Variants in XRN2 observed in about 807,000 individuals in gnomAD.
XRN2 encodes 5'-3' exoribonuclease 2.
A neutral mutation model predicts 138.5 loss-of-function variants in XRN2; 44 were observed. That is an observed-to-expected ratio of 0.32 (90% CI 0.25 to 0.41). The LOEUF is 0.41. Ranked by LOEUF, XRN2 falls within the 10% of genes least tolerant of loss-of-function variation. The pLI, the probability that XRN2 is intolerant of heterozygous loss-of-function variation, is 1.00. For missense variants in XRN2, 937 were observed against 1,169.3 expected, an observed-to-expected ratio of 0.80 and a Z score of 2.90; for synonymous variants, 354 against 369.4, an observed-to-expected ratio of 0.96 and a Z score of 0.48.
intron 24 of XRN2, among the ~76,000 whole-genome samples, chr20:21,362,162 G>T (rs1013767636): frequency 2.0e-5 from 3 of 152,084 alleles, no homozygotes; most frequent in African/African-American, 7.2e-5. Flanking sequence ...TATTGACTTG[G>T]AAAGTTTTTC....
chr20:21,330,596 ATTTC>A lies in XRN2; in HGVS notation c.487-14_487-11del. The A allele has an allele frequency of 6.2e-7, 1 of 1,613,730 alleles. No homozygotes were observed. The highest frequency in any genetic ancestry group is 8.5e-7 in the Non-Finnish European group (1 of 1,179,862). On this transcript the variant is annotated splice_polypyrimidine_tract_variant and intron_variant, in intron 5 of 29. Coordinates refer to ENST00000377191, the MANE Select transcript of XRN2 (RefSeq NM_012255.5). ...TAACTCTTAAATGATAGGTTAATTTATTTCTTTCTATCATTTTAGGGAACTGAAT... is the reference window on the plus strand; with the variant it reads ...TAACTCTTAAATGATAGGTTAATTTATTTCTATCATTTTAGGGAACTGAAT...
rs1215271368 is a variant in XRN2 at position 21,305,645 on chromosome 20, C to T, written c.75+2172C>T. Among the ~76,000 whole-genome samples the T allele has an allele frequency of 3.1e-5, 2 of 65,352 alleles. 1 individual carries two copies. Among genetic ancestry groups the T allele is most frequent in the African/African-American group, 8.2e-5 (2 of 24,436 alleles). 42.9% of individuals were successfully genotyped at this position (65,352 alleles called of 152,430 possible). A position where few individuals can be genotyped will look rare whatever the true frequency, so the allele number is the denominator to read the frequency against. On this transcript the variant is annotated intron_variant, in intron 1 of 29. Coordinates refer to ENST00000377191, the MANE Select transcript of XRN2 (RefSeq NM_012255.5). Reference sequence around the variant, plus strand: ...GTCTCTGTCCTGACCACACGTGATCCGCCTCCCTGGGCCTCCCTTGTGCTA... The same window carrying T: ...GTCTCTGTCCTGACCACACGTGATCTGCCTCCCTGGGCCTCCCTTGTGCTA...
intron 24 of XRN2, 68 bp downstream of exon 24, chr20:21,357,860 GACCTTTGAT>G: frequency 7.4e-7 from 1 of 1,360,508 alleles, no homozygotes; most frequent in Non-Finnish European, 1.0e-6. Flanking sequence ...CATTTTAAAA[GACCTTTGAT>G]TCACAAGGAA....
chr20:21,324,934 G>GTA (rs1223626578), intron 1 of XRN2, among the ~76,000 whole-genome samples: 3 of 152,256 alleles, frequency 2.0e-5, no homozygotes, highest in Admixed American at 2.0e-4. Context: ...TGATTTTAGA[G>GTA]GGTCTTCATT....
intron 26 of XRN2, 21 bp downstream of exon 26, chr20:21,365,725 C>T (rs759872063): frequency 1.1e-5 from 17 of 1,575,282 alleles, no homozygotes; most frequent in Non-Finnish European, 1.5e-5. Flanking sequence ...AGTTTTTAGC[C>T]CTTGTATATT....
In XRN2 at chr20:21,356,070, T is replaced by G; in HGVS notation, c.2021-10T>G. ...TTATGTGTAGGTCTTATTCTTTTCT[T>G]TCTCCCTAGCCAGAAGAAACAGCCT... On this transcript the variant is annotated splice_polypyrimidine_tract_variant and intron_variant, in intron 21 of 29. Transcript: ENST00000377191. 6.2e-7 allele frequency: 1 copy of G among 1,600,468 alleles called. No individual in the cohort carries two copies. Among genetic ancestry groups the G allele is most frequent in the African/African-American group, 1.3e-5 (1 of 74,264 alleles).
At chr20:21,329,876 TG>T (rs2038180459) in intron 4 of XRN2, among the ~76,000 whole-genome samples, 2 of 151,668 alleles carry the variant, frequency 1.3e-5, no homozygotes, top group African/African-American at 4.8e-5. Flanking sequence ...TGTGTGTGTG[TG>T]TGTGTGTGTG....
intron 14 of XRN2, among the ~76,000 whole-genome samples, chr20:21,339,611 G>C (rs554999721): frequency 2.6e-5 from 4 of 152,218 alleles, no homozygotes; most frequent in Admixed American, 2.0e-4. Flanking sequence ...CCATATCCCT[G>C]CTGATTAAGA....
rs553440190 is a variant in XRN2, at chr20:21,303,925, G to C, written c.75+452G>C. 6 of 925,766 alleles carry C rather than the reference G, an allele frequency of 6.5e-6. No homozygotes were observed. In the South Asian group the frequency reaches 2.0e-4, roughly 31 times the overall value. The allele number at this position is 925,766 out of a possible 1,614,324, so 57.3% of individuals were successfully genotyped here. The stretch of plus-strand genomic sequence containing the variant: ...ACAACCTTGTAAAGGAATCCCTGGC[G>C]GCGACCTTTTCGTTGTTTACCAATT... On this transcript the variant is annotated intron_variant, in intron 1 of 29. Coordinates refer to ENST00000377191, the MANE Select transcript of XRN2 (RefSeq NM_012255.5).
chr20:21,379,288 C>T (rs983493565), intron 27 of XRN2, among the ~76,000 whole-genome samples: 3 of 152,092 alleles, frequency 2.0e-5, no homozygotes, highest in Admixed American at 2.0e-4. Flanking sequence ...TCTGTTAGAG[C>T]CATACAAATG....
chr20:21,318,896 A>G (rs147145987), intron 1 of XRN2, among the ~76,000 whole-genome samples: 2 of 152,170 alleles, frequency 1.3e-5, no homozygotes, highest in East Asian at 3.9e-4. Context: ...TGTTAAGTGT[A>G]ATGTGCTAGA....
chr20:21,332,516 T>G, intron 9 of XRN2, 76 bp downstream of exon 9: 1 of 1,385,230 alleles, frequency 7.2e-7, no homozygotes, highest in Non-Finnish European at 9.7e-7. Context: ...ACATAAAATA[T>G]CATTTCAACC....
intron 13 of XRN2, among the ~76,000 whole-genome samples, chr20:21,334,456 A>G (rs1219489487): frequency 3.3e-5 from 5 of 152,180 alleles, no homozygotes; most frequent in Non-Finnish European, 5.9e-5. Flanking sequence ...TTTCTAATCA[A>G]TAGGATTTGA....
chr20:21,332,752 A>G (rs993816832), intron 9 of XRN2, among the ~76,000 whole-genome samples: 2 of 151,948 alleles, frequency 1.3e-5, no homozygotes, highest in African/African-American at 4.8e-5. Flanking sequence ...ACATGCACAC[A>G]CTCATCCTTT....
At chr20:21,324,327 C>T (rs2038091528) in intron 1 of XRN2, among the ~76,000 whole-genome samples, 1 of 152,084 alleles carries the variant, frequency 6.6e-6, no homozygotes, top group South Asian at 2.1e-4. Flanking sequence ...ACTTGAAGCC[C>T]AGTTGCATTC....
chr20:21,350,360 A>G (rs1009040672), intron 20 of XRN2, among the ~76,000 whole-genome samples: 120 of 152,020 alleles, frequency 7.9e-4, no homozygotes, highest in African/African-American at 2.8e-3. Flanking sequence ...CACCGTCTCT[A>G]CTAGAAATAC....
At chr20:21,303,948 A>G (rs1488010872) in intron 1 of XRN2, 9 of 789,144 alleles carry the variant, frequency 1.1e-5, no homozygotes, top group East Asian at 1.3e-4. Flanking sequence ...TTGTTTACCA[A>G]TTGTGCCGGA....
intron 24 of XRN2, among the ~76,000 whole-genome samples, chr20:21,363,120 C>CT (rs1369118181): frequency 1.3e-5 from 2 of 152,160 alleles, no homozygotes; most frequent in African/African-American, 4.8e-5. Flanking sequence ...ACACACATAG[C>CT]TTTAGCCCAC....
intron 28 of XRN2, among the ~76,000 whole-genome samples, chr20:21,385,141 A>C (rs769841686): frequency 3.3e-5 from 5 of 152,218 alleles, no homozygotes; most frequent in Non-Finnish European, 7.3e-5. Flanking sequence ...AACATAAAAT[A>C]GTTTTGAATT....
Sources: allele counts gnomAD v4.1 joint callset (sites outside exome capture counted in the v4.1 genomes callset), GRCh38; gene constraint gnomAD v4.1.1; transcripts MANE v1.5; gene names NCBI Gene and HGNC (gene_info 2026-07-23, HGNC 2026-07-21).